ZNF18: variants seen among roughly 807,000 people sequenced by gnomAD.
The protein encoded by ZNF18 is heart development-specific gene 1 protein.
A neutral mutation model predicts 58.1 loss-of-function variants in ZNF18; 42 were observed. The ratio of observed to expected loss-of-function variants is 0.72; its 90% CI spans 0.56 to 0.93. The LOEUF (loss-of-function observed/expected upper bound fraction) is 0.93, where lower values mean the gene tolerates loss of function less well. Among genes scored for constraint, ZNF18 ranks in the 40% least tolerant of loss-of-function variants. The pLI is 0.00. For synonymous variants in ZNF18, 231 were observed against 239.8 expected, an observed-to-expected ratio of 0.96 and a Z score of 0.34; for missense variants, 540 against 644.2, an observed-to-expected ratio of 0.84 and a Z score of 1.75.
upstream of ZNF18, among the ~76,000 whole-genome samples, chr17:12,001,231 G>A (rs181848658): frequency 1.9e-4 from 29 of 152,276 alleles, no homozygotes; most frequent in East Asian, 3.9e-3. Context: ...CAGAGAAAAC[G>A]GGGAATAGAG....
chr17:12,014,415 A>G, the ZNF18 span, among the ~76,000 whole-genome samples: 1 of 152,244 alleles, frequency 6.6e-6, no homozygotes, highest in African/African-American at 2.4e-5. Flanking sequence ...TGGATAAACA[A>G]AATGTGATAT....
Position 11,992,826 on chromosome 17 carries a change from G to T in ZNF18, c.4C>A (p.Pro2Thr), listed in dbSNP as rs377302753. 6.2e-7 allele frequency: 1 copy of T among 1,610,174 alleles called. No individual in the cohort carries two copies. The highest frequency in any genetic ancestry group is 8.5e-7 in the Non-Finnish European group (1 of 1,178,626). MPVDLGQALGLL... is the reference protein window; with the variant it reads MTVDLGQALGLL... ...CCTAGGGCCTGCCCCAAGTCAACGG[G>T]CATTGTCCAGCCTGGCAAGTCCTTT... Residue 2 changes from proline (P) to threonine (T), a missense_variant, in exon 2 of 7, where the codon CCC becomes ACC. Pro to Thr is a conservative substitution (Grantham distance 38). Transcript: ENST00000580306.
chr17:12,018,403 T>C, the ZNF18 span, among the ~76,000 whole-genome samples: 3 of 152,184 alleles, frequency 2.0e-5, no homozygotes, highest in Non-Finnish European at 4.4e-5. Context: ...TGGTGTCTTT[T>C]GAGGACACAC....
chr17:12,019,348 T>G, the ZNF18 span, among the ~76,000 whole-genome samples: 1 of 151,336 alleles, frequency 6.6e-6, no homozygotes, highest in African/African-American at 2.4e-5. Flanking sequence ...TTAAATTAAT[T>G]TTCTAGTAGT....
At chr17:11,991,634 T>C (rs1429926817) in intron 2 of ZNF18, among the ~76,000 whole-genome samples, 1 of 152,176 alleles carries the variant, frequency 6.6e-6, no homozygotes, top group Non-Finnish European at 1.5e-5. Flanking sequence ...GCAGAGCTCC[T>C]AAAACCCTGG....
chr17:12,013,429 T>C, the ZNF18 span, among the ~76,000 whole-genome samples: 10 of 152,240 alleles, frequency 6.6e-5, no homozygotes, highest in African/African-American at 2.4e-4. Context: ...TTATCTTATA[T>C]CTTCATGGTT....
At chr17:11,999,337 C>T (rs1280761549), upstream of ZNF18, among the ~76,000 whole-genome samples, 1 of 152,200 alleles carries the variant, frequency 6.6e-6, no homozygotes, top group Non-Finnish European at 1.5e-5. Flanking sequence ...GGAGCTAACA[C>T]AGCCTTGAAA....
the ZNF18 span, among the ~76,000 whole-genome samples, chr17:12,011,695 A>ATTTTTT: frequency 1.1e-5 from 1 of 87,590 alleles, no homozygotes; most frequent in Non-Finnish European, 2.1e-5. Flanking sequence ...AATGTTCTTA[A>ATTTTTT]TTTTTTTTTT....
In ZNF18 at chr17:11,990,450, A is replaced by T. The variant is rs1334509285; in HGVS notation, c.666+12T>A. On this transcript the variant is annotated intron_variant, in intron 4 of 6. Transcript: ENST00000580306. ...AAAGTTTCCTTTTCATCGCTTTTGT[A>T]CGTCAGCTCACCTGAGGTGCTGCTG... 1 of 1,609,350 alleles carries T rather than the reference A, an allele frequency of 6.2e-7. No individual in the cohort carries two copies. The highest frequency in any genetic ancestry group is 8.5e-7 in the Non-Finnish European group (1 of 1,177,828).
At chr17:11,994,400 C>A (rs376397857) in intron 1 of ZNF18, among the ~76,000 whole-genome samples, 1 of 152,180 alleles carries the variant, frequency 6.6e-6, no homozygotes, top group Non-Finnish European at 1.5e-5. Flanking sequence ...GCCAACCCCC[C>A]ACACAGTAGA....
At chr17:12,016,737 T>C in the ZNF18 span, among the ~76,000 whole-genome samples, 4 of 152,170 alleles carry the variant, frequency 2.6e-5, no homozygotes, top group Admixed American at 2.6e-4. Flanking sequence ...GTAATATGTT[T>C]GTATTTGGTC....
intron 1 of ZNF18, chr17:11,995,826 A>C (rs150818837): frequency 6.6e-6 from 1 of 152,358 alleles, no homozygotes; most frequent in African/African-American, 2.4e-5. Flanking sequence ...TCATCAAAAC[A>C]GACCATATGC....
At chr17:11,984,231 A>G in intron 4 of ZNF18, 34 bp from the exon 5 acceptor site, 1 of 1,569,620 alleles carries the variant, frequency 6.4e-7, no homozygotes, top group Non-Finnish European at 8.6e-7. Flanking sequence ...ATACAATACC[A>G]TGACTCCAAT....
At position 11,978,122 on chromosome 17, in the gene ZNF18, A is replaced by G. The variant is rs1567595730; in HGVS notation, c.1485T>C (p.Pro495=). 6.2e-7 allele frequency: 1 copy of G among 1,614,104 alleles called. No individual in the cohort carries two copies. The highest frequency in any genetic ancestry group is 8.5e-7 in the Non-Finnish European group (1 of 1,180,004). ...IHTGEKPYKC[P]ICEKSFIQRS... Reference sequence around the variant, plus strand: ...TCTGAATGAAACTTTTCTCACAGATAGGACATTTATAGGGTTTCTCTCCTG... The same window carrying G: ...TCTGAATGAAACTTTTCTCACAGATGGGACATTTATAGGGTTTCTCTCCTG... Residue 495 remains proline, a synonymous_variant, in exon 7 of 7, where the codon CCT becomes CCC. Transcript: ENST00000580306.
upstream of ZNF18, chr17:12,002,170 G>A (rs1039461279): frequency 3.9e-5 from 6 of 152,158 alleles, no homozygotes; most frequent in African/African-American, 1.4e-4. Flanking sequence ...GGGAGGCCAA[G>A]GTGGGTGGAT....
chr17:11,979,012 C>T (rs147063230), intron 6 of ZNF18, among the ~76,000 whole-genome samples: 70 of 150,504 alleles, frequency 4.7e-4, no homozygotes, highest in East Asian at 2.7e-3. Flanking sequence ...GTGATCACTC[C>T]GTAAATAAAG....
intron 4 of ZNF18, 121 bp from the exon 5 acceptor site, chr17:11,984,318 G>T: frequency 1.1e-6 from 1 of 926,750 alleles, no homozygotes; most frequent in Non-Finnish European, 1.6e-6. Context: ...CCTGGCCATC[G>T]CAAGACCTGA....
chr17:11,998,055 T>TCC (rs1567612012), upstream of ZNF18, among the ~76,000 whole-genome samples: 2 of 150,618 alleles, frequency 1.3e-5, no homozygotes, highest in South Asian at 2.1e-4. Context: ...TCTCTCTCTC[T>TCC]TCTCTCTCTC....
chr17:11,986,594 A>C (rs1967757982), intron 4 of ZNF18, among the ~76,000 whole-genome samples: 1 of 152,250 alleles, frequency 6.6e-6, no homozygotes, highest in African/African-American at 2.4e-5. Context: ...TTTAAAGTAT[A>C]AACAGCTAGC....
Sources: gnomAD v4.1 joint callset for allele counts (sites outside exome capture counted in the v4.1 genomes callset) on GRCh38, gnomAD v4.1.1 for gene constraint, MANE v1.5 for transcripts, NCBI Gene and HGNC (gene_info 2026-07-23, HGNC 2026-07-21) for gene names.